The following ADAT1 variants were observed in gnomAD, a reference collection of about 807,000 sequenced individuals.
The protein encoded by ADAT1 is tRNA-specific adenosine deaminase 1.
In ADAT1, 58 loss-of-function variants were observed where a neutral mutation model predicts 58.6. That is an observed-to-expected ratio of 0.99 (90% confidence interval 0.80 to 1.23). The LOEUF is 1.23. Ranked by LOEUF, ADAT1 falls within the 50% of genes most tolerant of loss-of-function variation. The pLI is 0.00. For missense variants in ADAT1, 741 were observed against 608.6 expected (o/e 1.22, Z -2.29); for synonymous variants, 254 against 220.8 (o/e 1.15, Z -1.33).
rs559877965 is a variant in ADAT1 at position 75,620,152 on chromosome 16, G to A, written c.238+114C>T. On this transcript the variant is annotated intron_variant, in intron 3 of 9. Transcript: ENST00000564657. The stretch of plus-strand genomic sequence containing the variant: ...CTTCCAACTGGACTGATAGTCAGTA[G>A]GAAACAAATGCCATGCACCTCAACT... 42 of 1,020,326 alleles carry A rather than the reference G, an allele frequency of 4.1e-5. 1 individual carries two copies. In the Admixed American group the frequency reaches 6.0e-4, roughly 15 times the overall value. The allele number at this position is 1,020,326 out of a possible 1,614,324, so 63.2% of individuals were successfully genotyped here.
At chr16:75,619,309 G>A (rs1005406197) in intron 3 of ADAT1, among the ~76,000 whole-genome samples, 4 of 152,096 alleles carry the variant, frequency 2.6e-5, no homozygotes, top group Admixed American at 6.5e-5. Flanking sequence ...GATAGCTTGA[G>A]GCTGGGAGTT....
Position 75,612,779 on chromosome 16 carries a change from T to G in ADAT1, c.507A>C (p.Ser169=), listed in dbSNP as rs775717028. The change falls in exon 6 of 10, where the codon TCA becomes TCC. Residue 169 remains serine (S), a synonymous_variant. Coordinates refer to ENST00000564657, the MANE Select transcript of ADAT1 (RefSeq NM_001324445.2). ...CCAGGTTACTACTGGCTTCTACTGA[T>G]GAGTTGTGGGCCCAATTTCTGAAGA... is the stretch of plus-strand genomic sequence containing the variant. ...CPVFRNWAHN[S]SVEASSNLEA... is the part of the protein sequence containing the mutation. The G allele has an allele frequency of 1.9e-6, 3 of 1,613,988 alleles. No homozygotes were observed. Among genetic ancestry groups the G allele is most frequent in the Admixed American group, 3.3e-5 (2 of 59,968 alleles).
intron 6 of ADAT1, 101 bp from the exon 7 acceptor site, chr16:75,609,089 G>T: frequency 7.2e-7 from 1 of 1,392,458 alleles, no homozygotes; most frequent in East Asian, 2.3e-5. Flanking sequence ...TAGCAGGTGT[G>T]GGGATTTGTT....
intron 1 of ADAT1, 35 bp from the exon 2 acceptor site, chr16:75,620,855 AAGG>A: frequency 1.3e-6 from 2 of 1,567,286 alleles, no homozygotes; most frequent in Non-Finnish European, 1.7e-6. Context: ...GAAGTACGGA[AAGG>A]AGAACCAGTG....
chr16:75,617,308 G>T (rs757416690), intron 4 of ADAT1, 36 bp from the exon 5 acceptor site: 7 of 1,598,072 alleles, frequency 4.4e-6, no homozygotes, highest in South Asian at 1.1e-5. Flanking sequence ...ATGAACAACC[G>T]ATCTCTGTGG....
intron 9 of ADAT1, among the ~76,000 whole-genome samples, chr16:75,600,569 C>G (rs139363581): frequency 6.6e-6 from 1 of 152,190 alleles, no homozygotes; most frequent in Non-Finnish European, 1.5e-5. Context: ...ACTCAGGGCG[C>G]ATAACATTGC....
intron 8 of ADAT1, among the ~76,000 whole-genome samples, chr16:75,607,083 A>G (rs1345608314): frequency 6.6e-6 from 1 of 151,972 alleles, no homozygotes; most frequent in African/African-American, 2.4e-5. Context: ...AAAAAAAATT[A>G]GCTGGGCGTG....
intron 8 of ADAT1, 42 bp from the exon 9 acceptor site, chr16:75,603,213 A>G: frequency 2.6e-6 from 4 of 1,552,364 alleles, no homozygotes; most frequent in Non-Finnish European, 2.7e-6. Context: ...TTAAGTGTTT[A>G]GTATGTTCTA....
intron 4 of ADAT1, 78 bp downstream of exon 4, chr16:75,618,508 C>CAAAA: frequency 1.7e-5 from 15 of 905,674 alleles, no homozygotes; most frequent in South Asian, 6.0e-5. Flanking sequence ...TCTGTCCCCC[C>CAAAA]CAAAAAAAAA....
At chr16:75,618,523 A>G in intron 4 of ADAT1, 63 bp downstream of exon 4, 2 of 1,281,042 alleles carry the variant, frequency 1.6e-6, no homozygotes, top group Non-Finnish European at 2.2e-6. Context: ...AAAAAAAAAA[A>G]AAGTAAATTC....
At position 75,598,510 on chromosome 16, in the gene ADAT1, C is replaced by A. The variant is rs1169844950; in HGVS notation, c.*1706G>T. ...ATGGTTGCACAACTCTGTGGATATA[C>A]TAAAAAAATTTTTTTTTTTTTTTTT... is the stretch of plus-strand genomic sequence containing the variant. On this transcript the variant is annotated 3_prime_UTR_variant, in exon 10 of 10. Coordinates refer to ENST00000564657, the MANE Select transcript of ADAT1 (RefSeq NM_001324445.2). Among the ~76,000 whole-genome samples, 7 of 150,100 alleles carry A rather than the reference C, an allele frequency of 4.7e-5. No individual in the cohort carries two copies. The highest frequency in any genetic ancestry group is 7.4e-5 in the Non-Finnish European group (5 of 67,856).
rs1242035942 is a variant in ADAT1 at position 75,599,587 on chromosome 16, G to A, written c.*629C>T. The A allele has an allele frequency of 6.1e-6, 6 of 985,844 alleles. No individual in the cohort carries two copies. The highest frequency in any genetic ancestry group is 4.7e-5 in the South Asian group (1 of 21,282). The allele number at this position is 985,844 out of a possible 1,614,324, so 61.1% of individuals were successfully genotyped here. ...TAGGTAGTAGGAAAAGATGGCCACC[G>A]GCAGTCCCATGATTATGTGACCCTT... On this transcript the variant is annotated 3_prime_UTR_variant, in exon 10 of 10. Coordinates refer to ENST00000564657, the MANE Select transcript of ADAT1 (RefSeq NM_001324445.2).
At position 75,619,405 on chromosome 16, in the gene ADAT1, G is replaced by A. The variant is rs563203036; in HGVS notation, c.239-765C>T. On this transcript the variant is annotated intron_variant, in intron 3 of 9. Transcript: ENST00000564657. The stretch of plus-strand genomic sequence containing the variant: ...TAGCTGCACATAGGTGTGCATAGCT[G>A]TGCACACCTATAGTCCAGCTACTCA... Among the ~76,000 whole-genome samples, 10 of 152,130 alleles carry A rather than the reference G, an allele frequency of 6.6e-5. No homozygotes were observed. In the South Asian group the frequency reaches 2.1e-3, roughly 32 times the overall value.
At chr16:75,617,949 T>C (rs2081789490) in intron 4 of ADAT1, among the ~76,000 whole-genome samples, 1 of 149,570 alleles carries the variant, frequency 6.7e-6, no homozygotes, top group African/African-American at 2.5e-5. Context: ...CAGGAAAAGT[T>C]AGCTGGGTGT....
intron 1 of ADAT1, 122 bp from the exon 2 acceptor site, chr16:75,620,942 A>C: frequency 2.8e-6 from 2 of 706,272 alleles, no homozygotes; most frequent in South Asian, 2.6e-5. Context: ...CCTATCTGGA[A>C]CTCTATGGAT....
At chr16:75,615,141 C>A (rs957879435) in intron 5 of ADAT1, among the ~76,000 whole-genome samples, 3 of 150,206 alleles carry the variant, frequency 2.0e-5, no homozygotes, top group African/African-American at 7.4e-5. Flanking sequence ...GCAGGAGAAT[C>A]GCCTGGACCC....
intron 1 of ADAT1, among the ~76,000 whole-genome samples, chr16:75,622,092 A>C (rs2081949877): frequency 6.6e-6 from 1 of 152,124 alleles, no homozygotes; most frequent in Non-Finnish European, 1.5e-5. Context: ...GGAGGTCGCA[A>C]TGAGCCGAGA....
At chr16:75,618,985 A>G (rs547247357) in intron 3 of ADAT1, among the ~76,000 whole-genome samples, 1 of 152,310 alleles carries the variant, frequency 6.6e-6, no homozygotes, top group African/African-American at 2.4e-5. Flanking sequence ...ACATTGCGAA[A>G]TGTCCTCTGG....
chr16:75,608,496 T>G, intron 7 of ADAT1, 173 bp from the exon 8 acceptor site: 1 of 598,436 alleles, frequency 1.7e-6, no homozygotes, highest in Non-Finnish European at 2.9e-6. Context: ...TCTAAGTGGT[T>G]CATAATTCAT....
Sources: gnomAD v4.1 joint callset for allele counts (sites outside exome capture counted in the v4.1 genomes callset) on GRCh38, gnomAD v4.1.1 for gene constraint, MANE v1.5 for transcripts, NCBI Gene and HGNC (gene_info 2026-07-23, HGNC 2026-07-21) for gene names.